Variants in AKAP13 observed in about 807,000 individuals in gnomAD.
The protein encoded by AKAP13 is A-kinase anchoring protein 13.
Under a neutral mutation model 264.5 loss-of-function variants are expected in AKAP13, and 80 were observed. The observed-to-expected ratio is 0.30, with a 90% CI of 0.25 to 0.36. The LOEUF (loss-of-function observed/expected upper bound fraction) is 0.36. AKAP13 is among the 10% of genes least tolerant of loss of function. AKAP13 has a pLI of 1.00. For missense variants in AKAP13, 3,712 were observed against 3,435.2 expected, an observed-to-expected ratio of 1.08 and a Z score of -2.01; for synonymous variants, 1,380 against 1,250.2, an observed-to-expected ratio of 1.10 and a Z score of -2.19.
chr15:85,594,898 G>C (rs561787279), intron 8 of AKAP13, among the ~76,000 whole-genome samples: 3 of 152,100 alleles, frequency 2.0e-5, no homozygotes, highest in African/African-American at 7.2e-5. Context: ...TTACGGAGTT[G>C]TCCACTATAT....
At chr15:85,448,165 T>C (rs918809226) in intron 1 of AKAP13, among the ~76,000 whole-genome samples, 1 of 152,254 alleles carries the variant, frequency 6.6e-6, no homozygotes, top group Non-Finnish European at 1.5e-5. Flanking sequence ...GCTACATGTA[T>C]GTCTTCTTTT....
At chr15:85,606,262 C>T (rs1334906245) in intron 8 of AKAP13, among the ~76,000 whole-genome samples, 1 of 151,794 alleles carries the variant, frequency 6.6e-6, no homozygotes, top group East Asian at 1.9e-4. Context: ...CCACCACGCC[C>T]AGCTGATTTT....
intron 1 of AKAP13, among the ~76,000 whole-genome samples, chr15:85,481,981 C>A (rs906112917): frequency 1.3e-5 from 2 of 152,200 alleles, no homozygotes; most frequent in African/African-American, 2.4e-5. Flanking sequence ...CAAAGACTTT[C>A]AGTTGTTCTT....
In AKAP13 at chr15:85,723,123, A is replaced by G; in HGVS notation, c.6548A>G (p.Asp2183Gly). Residue 2183 changes from aspartate to glycine, a missense_variant, in exon 26 of 37, where the codon GAT (aspartate) becomes GGT (glycine). Physicochemically the swap from Asp to Gly is moderately conservative, Grantham distance 94. Around this residue, in one of 3 missense-constraint regions of AKAP13, gnomAD observed 342 missense variants for 484.3 expected, o/e 0.71. Coordinates refer to ENST00000394518, the MANE Select transcript of AKAP13 (RefSeq NM_007200.5). The stretch of plus-strand genomic sequence containing the variant: ...GCACAGTCCTTGAGCCTGGTGAAGG[A>G]TGTGATTGGAGCTGTAGACAGCAAA... ...DLAQSLSLVK[D>G]VIGAVDSKVA... 6.2e-7 allele frequency: 1 copy of G among 1,614,158 alleles called. No homozygotes were observed. The highest frequency in any genetic ancestry group is 1.1e-5 in the South Asian group (1 of 91,084).
At chr15:85,703,986 T>C (rs929643134) in intron 17 of AKAP13, among the ~76,000 whole-genome samples, 1 of 152,150 alleles carries the variant, frequency 6.6e-6, no homozygotes, top group Non-Finnish European at 1.5e-5. Context: ...CTAAATTTGC[T>C]CATATTTAAC....
At chr15:85,388,835 C>T (rs1368788527) in intron 1 of AKAP13, among the ~76,000 whole-genome samples, 12 of 152,080 alleles carry the variant, frequency 7.9e-5, no homozygotes, top group Admixed American at 4.6e-4. Flanking sequence ...GTTGTTGAGT[C>T]CTTATCTGTT....
chr15:85,444,084 C>T (rs185090101), intron 1 of AKAP13, among the ~76,000 whole-genome samples: 1 of 152,172 alleles, frequency 6.6e-6, no homozygotes, highest in East Asian at 1.9e-4. Flanking sequence ...ATAATGAGTA[C>T]AAAGGGAGGT....
chr15:85,587,758 T>C (rs2079420278), intron 8 of AKAP13, among the ~76,000 whole-genome samples: 1 of 152,206 alleles, frequency 6.6e-6, no homozygotes, highest in South Asian at 2.1e-4. Flanking sequence ...GCGATTCTCT[T>C]GTCTCAGCCT....
chr15:85,453,017 T>TGTGG (rs2074146191), intron 1 of AKAP13, among the ~76,000 whole-genome samples: 1 of 152,150 alleles, frequency 6.6e-6, no homozygotes, highest in Non-Finnish European at 1.5e-5. Context: ...GGGTCAGTGC[T>TGTGG]GCGGGCCCAA....
At chr15:85,397,571 C>T (rs2071179660) in intron 1 of AKAP13, among the ~76,000 whole-genome samples, 1 of 152,132 alleles carries the variant, frequency 6.6e-6, no homozygotes, top group Non-Finnish European at 1.5e-5. Flanking sequence ...ATAGCTGTCA[C>T]TTATTGGGAA....
intron 1 of AKAP13, among the ~76,000 whole-genome samples, chr15:85,390,190 G>A (rs974628873): frequency 4.6e-5 from 7 of 152,268 alleles, no homozygotes; most frequent in South Asian, 4.1e-4. Context: ...AGTTGCTGCC[G>A]TTAATCTATA....
chr15:85,536,892 G>A (rs1300543677), intron 4 of AKAP13: 4 of 152,164 alleles, frequency 2.6e-5, no homozygotes, highest in Admixed American at 1.3e-4. Context: ...TGTCTTGTTC[G>A]TGGTGGTGGC....
At position 85,609,248 on chromosome 15, in the gene AKAP13, C is replaced by A. The variant is rs2151386022; in HGVS notation, c.4161+23425C>A. On this transcript the variant is annotated intron_variant, in intron 8 of 36. Transcript: ENST00000394518. ...CTCTTATGACTCTTTACCCATTGAC[C>A]AACCTCTCCCCATTCTCTTCTCCCC... 2.6e-5 allele frequency among the ~76,000 whole-genome samples: 4 copies of A among 152,214 alleles called. No individual in the cohort carries two copies. In the South Asian group the frequency reaches 8.3e-4, roughly 32 times the overall value.
At chr15:85,522,188 A>G (rs899915328) in intron 3 of AKAP13, among the ~76,000 whole-genome samples, 1 of 152,152 alleles carries the variant, frequency 6.6e-6, no homozygotes, top group Non-Finnish European at 1.5e-5. Context: ...ACCTAGGTAT[A>G]ATCGATCAGT....
chr15:85,428,474 C>G (rs532596703), intron 1 of AKAP13, among the ~76,000 whole-genome samples: 1 of 152,260 alleles, frequency 6.6e-6, no homozygotes. Context: ...GCTGGGATTA[C>G]AGGCATGAGC....
intron 2 of AKAP13, among the ~76,000 whole-genome samples, chr15:85,488,455 G>A (rs2075631214): frequency 6.6e-6 from 1 of 152,210 alleles, no homozygotes; most frequent in African/African-American, 2.4e-5. Context: ...AAGTAGTTGT[G>A]TTATACAGAA....
At chr15:85,507,897 T>G (rs891814551) in intron 2 of AKAP13, among the ~76,000 whole-genome samples, 3 of 152,220 alleles carry the variant, frequency 2.0e-5, no homozygotes, top group South Asian at 2.1e-4. Context: ...TCAGTGTGCT[T>G]CTTCTGAGAC....
intron 16 of AKAP13, among the ~76,000 whole-genome samples, chr15:85,686,775 A>G (rs2151620500): frequency 6.6e-6 from 1 of 152,340 alleles, no homozygotes; most frequent in African/African-American, 2.4e-5. Flanking sequence ...AGCAATATAA[A>G]TTAGCCAAGT....
intron 14 of AKAP13, among the ~76,000 whole-genome samples, chr15:85,674,360 T>C (rs1372986946): frequency 6.6e-6 from 1 of 152,188 alleles, no homozygotes; most frequent in Non-Finnish European, 1.5e-5. Context: ...GTATAAGCTG[T>C]ATATGAAACA....
Sources: allele counts gnomAD v4.1 joint callset (sites outside exome capture counted in the v4.1 genomes callset), GRCh38; gene constraint gnomAD v4.1.1; regional missense constraint gnomAD v4.1.1; transcripts MANE v1.5; gene names NCBI Gene and HGNC (gene_info 2026-07-23, HGNC 2026-07-21).